ABHD12: variants seen among roughly 807,000 people sequenced by gnomAD.
ABHD12 encodes lysophosphatidylserine lipase ABHD12.
In ABHD12, 43 loss-of-function variants were observed where a neutral mutation model predicts 58.3. The ratio of observed to expected loss-of-function variants is 0.74; its 90% CI spans 0.58 to 0.95. The LOEUF is 0.95. Ranked by LOEUF, ABHD12 falls within the 40% of genes least tolerant of loss-of-function variation. The pLI, the probability that ABHD12 is intolerant of heterozygous loss-of-function variation, is 0.00. For synonymous variants in ABHD12, 219 were observed against 211.2 expected (o/e 1.04, Z -0.32); for missense variants, 539 against 537.2 (o/e 1.00, Z -0.03).
chr20:25,300,007 G>T (rs188791958), downstream of ABHD12, among the ~76,000 whole-genome samples: 1 of 152,266 alleles, frequency 6.6e-6, no homozygotes, highest in Non-Finnish European at 1.5e-5. Context: ...AGCTGCTGAT[G>T]CTGGGACTGC....
chr20:25,295,280 C>A (rs932801781), downstream of ABHD12, among the ~76,000 whole-genome samples: 1 of 152,264 alleles, frequency 6.6e-6, no homozygotes, highest in African/African-American at 2.4e-5. Flanking sequence ...CCACTGTCTG[C>A]CCAGGAGGCC....
chr20:25,298,856 T>C (rs931191789), downstream of ABHD12, among the ~76,000 whole-genome samples: 14 of 152,190 alleles, frequency 9.2e-5, no homozygotes, highest in Non-Finnish European at 1.8e-4. Flanking sequence ...GTGCAGGGGT[T>C]GGTGCTGCCA....
chr20:25,377,643 C>T (rs565925168), intron 1 of ABHD12, among the ~76,000 whole-genome samples: 84 of 152,314 alleles, frequency 5.5e-4, no homozygotes, highest in African/African-American at 1.9e-3. Flanking sequence ...TTCATCCACT[C>T]ATGAGAGCAA....
intron 1 of ABHD12, among the ~76,000 whole-genome samples, chr20:25,376,587 C>A (rs993168265): frequency 4.6e-5 from 7 of 152,206 alleles, no homozygotes; most frequent in African/African-American, 1.7e-4. Context: ...AGGTGCTTTA[C>A]ACACAGCCAC....
chr20:25,370,849 CTTT>C (rs201094435), intron 1 of ABHD12, among the ~76,000 whole-genome samples: 3 of 139,400 alleles, frequency 2.2e-5, no homozygotes, highest in African/African-American at 2.6e-5. Flanking sequence ...CCTTTATTGA[CTTT>C]TTTTTTTTTT....
chr20:25,368,993 T>C (rs928233628), intron 1 of ABHD12, among the ~76,000 whole-genome samples: 2 of 152,040 alleles, frequency 1.3e-5, no homozygotes, highest in African/African-American at 4.8e-5. Flanking sequence ...TGTAGTGGCA[T>C]GCACCTATAG....
chr20:25,309,982 T>G (rs2145937571), intron 6 of ABHD12, among the ~76,000 whole-genome samples: 1 of 152,290 alleles, frequency 6.6e-6, no homozygotes, highest in East Asian at 1.9e-4. Flanking sequence ...CCCACCCTCT[T>G]GGGCAGGGGA....
Position 25,320,843 on chromosome 20 carries a change from A to G in ABHD12, c.423-525T>C, listed in dbSNP as rs182357655. Reference sequence around the variant, plus strand: ...CCATTTCTAATGTCAAGTATGCACCACCTTCCCAGTCTGCTCATGGTCCAC... The same window carrying G: ...CCATTTCTAATGTCAAGTATGCACCGCCTTCCCAGTCTGCTCATGGTCCAC... On this transcript the variant is annotated intron_variant, in intron 3 of 12. Transcript: ENST00000339157. Among the ~76,000 whole-genome samples, 706 of 138,808 alleles carry G rather than the reference A, an allele frequency of 5.1e-3. 2 individuals carry two copies. Among genetic ancestry groups the G allele is most frequent in the Non-Finnish European group, 7.3e-3 (459 of 62,766 alleles). The allele number at this position is 138,808 out of a possible 152,430, so 91.1% of individuals were successfully genotyped here.
intron 1 of ABHD12, among the ~76,000 whole-genome samples, chr20:25,370,028 A>G (rs909026221): frequency 6.6e-6 from 1 of 151,708 alleles, no homozygotes; most frequent in African/African-American, 2.4e-5. Context: ...TCCTATCTGG[A>G]AAGACTGGGC....
downstream of ABHD12, chr20:25,296,326 A>G (rs760297764): frequency 5.0e-6 from 8 of 1,610,080 alleles, no homozygotes; most frequent in South Asian, 4.4e-5. Context: ...TAGCAGCCCC[A>G]AGCCCTGTGA....
intron 6 of ABHD12, among the ~76,000 whole-genome samples, chr20:25,313,979 C>CTTT (rs570904708): frequency 1.4e-5 from 2 of 147,744 alleles, no homozygotes; most frequent in Admixed American, 6.7e-5. Flanking sequence ...CTTAACAGTT[C>CTTT]TTTTTTTTTT....
intron 1 of ABHD12, among the ~76,000 whole-genome samples, chr20:25,360,697 CAGA>C (rs2089734770): frequency 6.6e-6 from 1 of 152,166 alleles, no homozygotes; most frequent in Non-Finnish European, 1.5e-5. Context: ...AGCTGGAAAA[CAGA>C]AGGACAGGAA....
At chr20:25,296,367 C>T (rs1268275180), downstream of ABHD12, 2 of 1,613,934 alleles carry the variant, frequency 1.2e-6, no homozygotes, top group Admixed American at 1.7e-5. Flanking sequence ...TCCTTCCCTG[C>T]AGAACCCCAA....
At position 25,339,259 on chromosome 20, in the gene ABHD12, C is replaced by T; in HGVS notation, c.284G>A (p.Gly95Glu). Residue 95 changes from glycine (G) to glutamate (E), a missense_variant, in exon 2 of 13, where the codon GGA becomes GAA. Physicochemically the swap from Gly to Glu is moderately conservative, Grantham distance 98 (BLOSUM62 -2). Coordinates refer to ENST00000339157, the MANE Select transcript of ABHD12 (RefSeq NM_001042472.3). ...CAAGAAAATCAGTTTGGCCTGTATT[C>T]CAGGACATAGTTTGATGAGAAATGG... ...AIPFLIKLCP[G>E]IQAKLIFLNF... 6.2e-7 allele frequency: 1 copy of T among 1,614,092 alleles called. No homozygotes were observed. Among genetic ancestry groups the T allele is most frequent in the East Asian group, 2.2e-5 (1 of 44,878 alleles).
intron 3 of ABHD12, among the ~76,000 whole-genome samples, chr20:25,322,381 A>ATATATATATATATATATATATTTTTT: frequency 3.4e-4 from 20 of 59,240 alleles, no homozygotes; most frequent in Non-Finnish European, 4.5e-4. Flanking sequence ...ATATATATAT[A>ATATATATATATATATATATATTTTTT]TTTTTTTTTT....
intron 3 of ABHD12, among the ~76,000 whole-genome samples, chr20:25,320,980 G>A (rs754404728): frequency 2.6e-5 from 4 of 152,194 alleles, no homozygotes; most frequent in Non-Finnish European, 5.9e-5. Context: ...TCACTGGGGA[G>A]GGTCCAAATT....
At chr20:25,334,441 T>C (rs1470114248) in intron 2 of ABHD12, among the ~76,000 whole-genome samples, 2 of 151,404 alleles carry the variant, frequency 1.3e-5, no homozygotes, top group African/African-American at 2.4e-5. Context: ...CTTCACAGAA[T>C]TGGAAAAAAC....
intron 4 of ABHD12, among the ~76,000 whole-genome samples, chr20:25,319,258 G>A (rs898420851): frequency 6.6e-6 from 1 of 152,242 alleles, no homozygotes; most frequent in African/African-American, 2.4e-5. Flanking sequence ...CACATGGTGT[G>A]GAAGGAGCAC....
chr20:25,359,090 G>A (rs191948506), intron 1 of ABHD12, among the ~76,000 whole-genome samples: 151 of 146,176 alleles, frequency 1.0e-3, no homozygotes, highest in African/African-American at 3.4e-3. Context: ...CATTAATGAT[G>A]CCTCCTTTGT....
Sources: allele counts gnomAD v4.1 joint callset (sites outside exome capture counted in the v4.1 genomes callset), GRCh38; gene constraint gnomAD v4.1.1; transcripts MANE v1.5; gene names NCBI Gene and HGNC (gene_info 2026-07-23, HGNC 2026-07-21).